The following NTRK3 variants were observed in gnomAD, a reference collection of about 807,000 sequenced individuals.
The protein encoded by NTRK3 is NT-3 growth factor receptor.
In NTRK3, 24 loss-of-function variants were observed where a neutral mutation model predicts 91.7. That is an observed-to-expected ratio of 0.26 (90% CI 0.19 to 0.37). The LOEUF (loss-of-function observed/expected upper bound fraction) is 0.37. NTRK3 is among the 10% of genes least tolerant of loss of function. The probability of loss-of-function intolerance (pLI) is 1.00; values close to 1 mark genes in which losing one functional copy is unlikely to be tolerated. For synonymous variants in NTRK3, 483 were observed against 404.0 expected, an observed-to-expected ratio of 1.20 and a Z score of -2.34; for missense variants, 880 against 1,068.9, an observed-to-expected ratio of 0.82 and a Z score of 2.46.
Position 88,159,692 on chromosome 15 carries a change from G to A in NTRK3, c.396-12289C>T, listed in dbSNP as rs372981810. On this transcript the variant is annotated intron_variant, in intron 5 of 18. Coordinates refer to ENST00000394480, the Ensembl canonical transcript of NTRK3. Reference sequence around the variant, plus strand: ...AAAAGAGATGCCCTGTCAGGGAGCCGAGGGATGCCTGTGCAGGCTCCTGGG... The same window carrying A: ...AAAAGAGATGCCCTGTCAGGGAGCCAAGGGATGCCTGTGCAGGCTCCTGGG... 4.2e-4 allele frequency among the ~76,000 whole-genome samples: 64 copies of A among 152,238 alleles called. 1 individual carries two copies. The East Asian group carries it at 8.5e-3, about 20-fold the overall frequency.
At chr15:88,212,073 T>G (rs2081556) in intron 3 of NTRK3, among the ~76,000 whole-genome samples, 1 of 152,274 alleles carries the variant, frequency 6.6e-6, no homozygotes, top group East Asian at 1.9e-4. Flanking sequence ...AGCATCCATT[T>G]AAAGTCTCTA....
chr15:88,113,081 A>G (rs1247757681), intron 13 of NTRK3, among the ~76,000 whole-genome samples: 1 of 152,172 alleles, frequency 6.6e-6, no homozygotes, highest in Non-Finnish European at 1.5e-5. Flanking sequence ...CCAAGTCTGC[A>G]TTCAGACCAA....
At chr15:87,956,645 C>A (rs2071692778) in intron 14 of NTRK3, among the ~76,000 whole-genome samples, 1 of 151,996 alleles carries the variant, frequency 6.6e-6, no homozygotes, top group African/African-American at 2.4e-5. Context: ...TCTTGGCTCA[C>A]AACAACCCCC....
chr15:88,055,097 G>A (rs867953286), intron 13 of NTRK3, among the ~76,000 whole-genome samples: 4 of 152,184 alleles, frequency 2.6e-5, no homozygotes, highest in South Asian at 2.1e-4. Flanking sequence ...AGGGTGTGGT[G>A]CATCCAGTGA....
Position 88,165,333 on chromosome 15 carries a change from G to A in NTRK3, c.396-17930C>T, listed in dbSNP as rs531035336. On this transcript the variant is annotated intron_variant, in intron 5 of 18. Transcript: ENST00000394480. ...GCATGCAGGTAAATTTCACTGAATG[G>A]CTCAATTTTCCTAAGTCTTGCATTG... is the stretch of plus-strand genomic sequence containing the variant. Among the ~76,000 whole-genome samples the A allele has an allele frequency of 5.9e-5, 9 of 152,208 alleles. No individual in the cohort carries two copies. The East Asian group carries it at 1.7e-3, about 29-fold the overall frequency.
intron 14 of NTRK3, among the ~76,000 whole-genome samples, chr15:88,018,677 C>A (rs534987995): frequency 7.9e-5 from 12 of 152,202 alleles, no homozygotes; most frequent in African/African-American, 2.6e-4. Context: ...ACATTTTAAC[C>A]ATTCCCTGTG....
chr15:88,048,330 C>T (rs910577007), intron 13 of NTRK3, among the ~76,000 whole-genome samples: 5 of 152,148 alleles, frequency 3.3e-5, no homozygotes, highest in African/African-American at 1.2e-4. Flanking sequence ...CAAGGCTGGG[C>T]AAAGTCCCAT....
At chr15:87,983,036 T>G (rs542796726) in intron 14 of NTRK3, among the ~76,000 whole-genome samples, 170 of 152,354 alleles carry the variant, frequency 1.1e-3, no homozygotes, top group African/African-American at 3.9e-3. Context: ...GACTATTACC[T>G]AACTGCATAA....
At chr15:88,011,297 C>G (rs560112568) in intron 14 of NTRK3, among the ~76,000 whole-genome samples, 38 of 152,272 alleles carry the variant, frequency 2.5e-4, no homozygotes, top group African/African-American at 9.1e-4. Context: ...AAAGCTCAGT[C>G]TCCAGCTTGC....
At chr15:88,087,730 G>A (rs982534698) in intron 13 of NTRK3, among the ~76,000 whole-genome samples, 3 of 152,140 alleles carry the variant, frequency 2.0e-5, no homozygotes, top group Non-Finnish European at 2.9e-5. Flanking sequence ...CATATGCAAC[G>A]TCACAACCTC....
intron 3 of NTRK3, among the ~76,000 whole-genome samples, chr15:88,193,071 G>T (rs1012098072): frequency 6.6e-6 from 1 of 152,078 alleles, no homozygotes; most frequent in African/African-American, 2.4e-5. Flanking sequence ...ATCTTAAATT[G>T]GGGCACCACC....
At chr15:88,143,901 T>A (rs151184493) in intron 6 of NTRK3, 1 of 152,342 alleles carries the variant, frequency 6.6e-6, no homozygotes, top group South Asian at 2.1e-4. Context: ...TACTCCAATC[T>A]ATTTTAATCA....
At chr15:88,073,868 A>AG (rs1231181919) in intron 13 of NTRK3, among the ~76,000 whole-genome samples, 1 of 152,168 alleles carries the variant, frequency 6.6e-6, no homozygotes, top group East Asian at 1.9e-4. Context: ...CTGAGAAAAA[A>AG]GCATGTGTCT....
Position 88,155,931 on chromosome 15 carries a change from AT to A in NTRK3, c.396-8529del, listed in dbSNP as rs538095663. Among the ~76,000 whole-genome samples the A allele has an allele frequency of 3.9e-5, 6 of 152,288 alleles. No homozygotes were observed. The South Asian group carries it at 1.2e-3, about 32-fold the overall frequency. On this transcript the variant is annotated intron_variant, in intron 5 of 18. Transcript: ENST00000394480. The stretch of plus-strand genomic sequence containing the variant: ...ACTCTCAGAGCTCATCTCAATTTGA[AT>A]TGGCCACATTGCAAGTGCTTGATAG...
chr15:87,872,274 T>G (rs758544424), exon 19 of NTRK3: 31 of 220,028 alleles, frequency 1.4e-4, no homozygotes, highest in Admixed American at 4.6e-4. Flanking sequence ...GACTGTCCAT[T>G]GCAATCACTG....
intron 14 of NTRK3, among the ~76,000 whole-genome samples, chr15:88,013,874 A>T (rs2077050648): frequency 6.6e-6 from 1 of 152,130 alleles, no homozygotes; most frequent in African/African-American, 2.4e-5. Flanking sequence ...CAGGAGATTG[A>T]GGCTGCAGTG....
At chr15:88,180,681 T>TAAAAAAAAAA (rs3045935) in intron 5 of NTRK3, among the ~76,000 whole-genome samples, 1 of 107,802 alleles carries the variant, frequency 9.3e-6, no homozygotes, top group African/African-American at 3.4e-5. Flanking sequence ...GCCATTACCC[T>TAAAAAAAAAA]AAAAAAAAAA....
At chr15:87,971,687 T>C (rs1041925834) in intron 14 of NTRK3, among the ~76,000 whole-genome samples, 12 of 152,192 alleles carry the variant, frequency 7.9e-5, no homozygotes, top group Non-Finnish European at 7.3e-5. Flanking sequence ...GGACCCTCCA[T>C]GTCATGAGCT....
intron 5 of NTRK3, among the ~76,000 whole-genome samples, chr15:88,165,853 CTGAG>C (rs1178957826): frequency 2.6e-5 from 4 of 150,968 alleles, no homozygotes; most frequent in African/African-American, 7.4e-5. Flanking sequence ...ATGTGTTCAC[CTGAG>C]TGTGTGTGTG....
Sources: allele counts gnomAD v4.1 joint callset (sites outside exome capture counted in the v4.1 genomes callset), GRCh38; gene constraint gnomAD v4.1.1; transcripts MANE v1.5; gene names NCBI Gene and HGNC (gene_info 2026-07-23, HGNC 2026-07-21).